Variants in PANK4 observed in about 807,000 individuals in gnomAD.
The protein encoded by PANK4 is 4'-phosphopantetheine phosphatase.
Under a neutral mutation model 87.9 loss-of-function variants are expected in PANK4, and 40 were observed. The observed-to-expected ratio is 0.46, with a 90% CI of 0.35 to 0.59. The LOEUF is 0.59. Ranked by LOEUF, PANK4 falls within the 20% of genes least tolerant of loss-of-function variation. PANK4 has a pLI of 0.00. For missense variants in PANK4, 926 were observed against 1,072.3 expected (o/e 0.86, Z 1.90); for synonymous variants, 524 against 467.4 (o/e 1.12, Z -1.56).
In PANK4 at chr1:2,517,239, G is replaced by A. The variant is rs1033814530; in HGVS notation, c.1218+925C>T. The stretch of plus-strand genomic sequence containing the variant: ...GGTGGGAAAGGCAGACCAGGGCTGC[G>A]GCCAGTGTGGTGCGTCTGTGCGAGG... On this transcript the variant is annotated intron_variant, in intron 9 of 18. Transcript: ENST00000378466. Among the ~76,000 whole-genome samples the A allele has an allele frequency of 4.6e-5, 7 of 152,342 alleles. No homozygotes were observed. The East Asian group carries it at 7.7e-4, about 17-fold the overall frequency.
chr1:2,515,560 A>T lies in PANK4; in HGVS notation c.1374+2T>A. The T allele has an allele frequency of 6.2e-7, 1 of 1,612,100 alleles. No individual in the cohort carries two copies. The highest frequency in any genetic ancestry group is 8.5e-7 in the Non-Finnish European group (1 of 1,179,678). On this transcript the variant is annotated splice_donor_variant, in intron 10 of 18. Coordinates refer to ENST00000378466, the MANE Select transcript of PANK4 (RefSeq NM_018216.4). LOFTEE classifies it high-confidence loss of function. The surrounding 1 kb of genome is among the most constrained non-coding windows in gnomAD (Gnocchi z 5.0). ...CGTCTAGACGGCACCCGGAGCCCTC[A>T]CCCCGTCCAGGGCCTCCTCAAAGCA...
chr1:2,516,344 G>A (rs1643775930), intron 9 of PANK4, among the ~76,000 whole-genome samples: 1 of 152,184 alleles, frequency 6.6e-6, no homozygotes. Flanking sequence ...ATGCACCCAG[G>A]GCACCCCGGG....
At chr1:2,518,435 T>G in intron 8 of PANK4, 81 bp downstream of exon 8, 1 of 1,283,170 alleles carries the variant, frequency 7.8e-7, no homozygotes, top group Non-Finnish European at 1.1e-6. Context: ...ACCTCCACCC[T>G]GGGCCGCCCT....
chr1:2,521,528 C>T (rs564509892), intron 2 of PANK4, 190 bp downstream of exon 2: 50 of 696,630 alleles, frequency 7.2e-5, no homozygotes, highest in East Asian at 1.3e-4. Flanking sequence ...GGAGCACAGG[C>T]GGGCGCAGGT....
chr1:2,514,831 G>A (rs1205096304), intron 10 of PANK4, among the ~76,000 whole-genome samples: 2 of 152,148 alleles, frequency 1.3e-5, no homozygotes, highest in East Asian at 3.9e-4. Context: ...CCTCCCAGTT[G>A]CCCTGGGAGG....
Position 2,520,967 on chromosome 1 carries a change from G to T in PANK4, c.423-61C>A. The T allele has an allele frequency of 6.5e-7, 1 of 1,532,230 alleles. No homozygotes were observed. Among genetic ancestry groups the T allele is most frequent in the Admixed American group, 1.9e-5 (1 of 53,746 alleles). The allele number at this position is 1,532,230 out of a possible 1,614,324, so 94.9% of individuals were successfully genotyped here. A position where few individuals can be genotyped will look rare whatever the true frequency, so the allele number is the denominator to read the frequency against. On this transcript the variant is annotated intron_variant, in intron 3 of 18. Transcript: ENST00000378466. This position sits in a 1 kb window ranked among gnomAD's most constrained non-coding sequence, Gnocchi z 6.2. ...GCCACAGACAGGTGCAACCATGCAAGCCTGCCTGGTCCGAAGGGGCAGCCA... is the reference window on the plus strand; with the variant it reads ...GCCACAGACAGGTGCAACCATGCAATCCTGCCTGGTCCGAAGGGGCAGCCA...
chr1:2,519,495 G>A lies in PANK4; in HGVS notation c.854-171C>T, dbSNP rs72848541. ...AGTGGGGGAACTGGAGCCCAAGTGC[G>A]GGAGGCTGCGTGTGATGTGTGAATC... is the stretch of plus-strand genomic sequence containing the variant. On this transcript the variant is annotated intron_variant, in intron 6 of 18. Coordinates refer to ENST00000378466, the MANE Select transcript of PANK4 (RefSeq NM_018216.4). This position sits in a 1 kb window ranked among gnomAD's most constrained non-coding sequence, Gnocchi z 8.3. 7.7e-4 allele frequency among the ~76,000 whole-genome samples: 117 copies of A among 151,876 alleles called. No homozygotes were observed. The highest frequency in any genetic ancestry group is 2.8e-3 in the African/African-American group (114 of 41,392).
intron 9 of PANK4, 118 bp downstream of exon 9, chr1:2,518,046 T>A: frequency 1.7e-6 from 1 of 592,730 alleles, no homozygotes; most frequent in Non-Finnish European, 2.9e-6. Flanking sequence ...GGATTCGCCA[T>A]GGGCAGAGGC....
rs569543312 is a variant in PANK4, at chr1:2,510,612, G to A, written c.1938+66C>T. Reference sequence around the variant, plus strand: ...CCGACCACCGCCAGAGGCCCACAGCGGCGCCAACCCCACCGAGAGCAGAGA... The same window carrying A: ...CCGACCACCGCCAGAGGCCCACAGCAGCGCCAACCCCACCGAGAGCAGAGA... On this transcript the variant is annotated intron_variant, in intron 16 of 18. Transcript: ENST00000378466. This position sits in a 1 kb window ranked among gnomAD's most constrained non-coding sequence, Gnocchi z 4.9. 117 of 951,356 alleles carry A rather than the reference G, an allele frequency of 1.2e-4. No individual in the cohort carries two copies. In the East Asian group the frequency reaches 2.4e-3, roughly 19 times the overall value. The allele number at this position is 951,356 out of a possible 1,614,324, so 58.9% of individuals were successfully genotyped here.
At chr1:2,526,426 C>G in intron 1 of PANK4, 38 bp downstream of exon 1, 1 of 1,171,276 alleles carries the variant, frequency 8.5e-7, no homozygotes, top group South Asian at 2.5e-5. Context: ...GCCCCGCCCG[C>G]CCCCGCAGCC....
At position 2,520,825 on chromosome 1, in the gene PANK4, C is replaced by T; in HGVS notation, c.504G>A (p.Val168=). 1 of 1,607,076 alleles carries T rather than the reference C, an allele frequency of 6.2e-7. No individual in the cohort carries two copies. Among genetic ancestry groups the T allele is most frequent in the African/African-American group, 1.3e-5 (1 of 74,688 alleles). Residue 168 remains valine, a synonymous_variant, in exon 4 of 19, where the codon GTG becomes GTA. Coordinates refer to ENST00000378466, the MANE Select transcript of PANK4 (RefSeq NM_018216.4). This position sits in a 1 kb window ranked among gnomAD's most constrained non-coding sequence, Gnocchi z 6.2. The part of the protein sequence containing the change: ...VLKNIPHEAF[V]YQKDSDPEFR... ...ACTCAGGGTCGGAATCCTTCTGGTACACGAAGGCCTCATGGGGGATGTTCT... is the reference window on the plus strand; with the variant it reads ...ACTCAGGGTCGGAATCCTTCTGGTATACGAAGGCCTCATGGGGGATGTTCT...
Position 2,519,341 on chromosome 1 carries a change from A to G in PANK4, c.854-17T>C, listed in dbSNP as rs753935889. The G allele has an allele frequency of 2.0e-5, 32 of 1,587,096 alleles. No individual in the cohort carries two copies. Among genetic ancestry groups the G allele is most frequent in the Non-Finnish European group, 2.6e-5 (30 of 1,162,032 alleles). ...TGGAGAACTCTGAGGAAGGGAAGGA[A>G]AAGGCACTCATCTCCAAGTACAGCA... On this transcript the variant is annotated splice_polypyrimidine_tract_variant and intron_variant, in intron 6 of 18. Coordinates refer to ENST00000378466, the MANE Select transcript of PANK4 (RefSeq NM_018216.4). The surrounding 1 kb of genome is among the most constrained non-coding windows in gnomAD (Gnocchi z 8.3).
chr1:2,524,098 A>G (rs1248539891), intron 1 of PANK4, among the ~76,000 whole-genome samples: 1 of 152,176 alleles, frequency 6.6e-6, no homozygotes, highest in Non-Finnish European at 1.5e-5. Flanking sequence ...TTCCTGTCTC[A>G]CCTGCCTCTG....
rs143011570 is a variant in PANK4 at position 2,515,975 on chromosome 1, C to T, written c.1219-258G>A. The T allele has an allele frequency of 1.6e-4, 87 of 553,814 alleles. 1 individual carries two copies. Among genetic ancestry groups the T allele is most frequent in the African/African-American group, 1.1e-3 (56 of 52,924 alleles). The allele number at this position is 553,814 out of a possible 1,614,324, so 34.3% of individuals were successfully genotyped here. A position where few individuals can be genotyped will look rare whatever the true frequency, so the allele number is the denominator to read the frequency against. On this transcript the variant is annotated intron_variant, in intron 9 of 18. Transcript: ENST00000378466. The surrounding 1 kb of genome is among the most constrained non-coding windows in gnomAD (Gnocchi z 5.0). ...ACGCCTCCTGCCCCCAGCACCTCCC[C>T]GCTGCAGCCACACCTCCCCAATCAC...
chr1:2,519,394 G>A lies in PANK4; in HGVS notation c.854-70C>T, dbSNP rs373098316. ...TGCACGACATGAGAGCGAGCAGGAGGGGAGGGGGAGAGAGAGCTGAGTGGG... is the reference window on the plus strand; with the variant it reads ...TGCACGACATGAGAGCGAGCAGGAGAGGAGGGGGAGAGAGAGCTGAGTGGG... On this transcript the variant is annotated intron_variant, in intron 6 of 18. Coordinates refer to ENST00000378466, the MANE Select transcript of PANK4 (RefSeq NM_018216.4). This position sits in a 1 kb window ranked among gnomAD's most constrained non-coding sequence, Gnocchi z 8.3. 1.3e-5 allele frequency: 11 copies of A among 836,198 alleles called. No individual in the cohort carries two copies. The highest frequency in any genetic ancestry group is 7.5e-5 in the East Asian group (2 of 26,494). The allele number at this position is 836,198 out of a possible 1,614,324, so 51.8% of individuals were successfully genotyped here.
rs1197140040 is a variant in PANK4 at position 2,514,095 on chromosome 1, G to A, written c.1488-6C>T. ...CGGTCAGGGTCCCATAGGCGCTGGG[G>A]ACAGACACGGCAGAGGGCGCTGAGC... On this transcript the variant is annotated splice_polypyrimidine_tract_variant and splice_region_variant and intron_variant, in intron 11 of 18. Transcript: ENST00000378466. 5 of 1,609,290 alleles carry A rather than the reference G, an allele frequency of 3.1e-6. No individual in the cohort carries two copies. In the South Asian group the frequency reaches 5.5e-5, roughly 18 times the overall value.
intron 14 of PANK4, 109 bp from the exon 15 acceptor site, chr1:2,511,496 G>A (rs989432808): frequency 1.0e-4 from 116 of 1,108,766 alleles, no homozygotes; most frequent in Non-Finnish European, 1.4e-4. Flanking sequence ...CCCCGCCCCC[G>A]AAGCCCAGCT....
In PANK4 at chr1:2,519,338, G is replaced by A. The variant is rs1249469851; in HGVS notation, c.854-14C>T. 4 of 1,593,502 alleles carry A rather than the reference G, an allele frequency of 2.5e-6. No homozygotes were observed. Among genetic ancestry groups the A allele is most frequent in the Non-Finnish European group, 2.6e-6 (3 of 1,166,548 alleles). On this transcript the variant is annotated splice_polypyrimidine_tract_variant and intron_variant, in intron 6 of 18. Coordinates refer to ENST00000378466, the MANE Select transcript of PANK4 (RefSeq NM_018216.4). The surrounding 1 kb of genome is among the most constrained non-coding windows in gnomAD (Gnocchi z 8.3). ...CTTTGGAGAACTCTGAGGAAGGGAA[G>A]GAAAAGGCACTCATCTCCAAGTACA...
At chr1:2,517,569 C>T (rs1018989328) in intron 9 of PANK4, among the ~76,000 whole-genome samples, 3 of 152,228 alleles carry the variant, frequency 2.0e-5, no homozygotes, top group South Asian at 2.1e-4. Context: ...GGGGGCATCC[C>T]GTGGCTGACG....
Sources: allele counts gnomAD v4.1 joint callset (sites outside exome capture counted in the v4.1 genomes callset), GRCh38; gene constraint gnomAD v4.1.1; non-coding constraint Gnocchi (gnomAD v3.1); transcripts MANE v1.5; gene names NCBI Gene and HGNC (gene_info 2026-07-23, HGNC 2026-07-21).